ERI1: variants seen among roughly 807,000 people sequenced by gnomAD.
ERI1 encodes the protein exoribonuclease 1.
Under a neutral mutation model 39.7 loss-of-function variants are expected in ERI1, and 39 were observed. That is an observed-to-expected ratio of 0.98 (90% CI 0.76 to 1.28). The LOEUF is 1.28. Ranked by LOEUF, ERI1 falls within the 50% of genes most tolerant of loss-of-function variation. The pLI, the probability that ERI1 is intolerant of heterozygous loss-of-function variation, is 0.00. For synonymous variants in ERI1, 204 were observed against 149.6 expected, an observed-to-expected ratio of 1.36 and a Z score of -2.65; for missense variants, 581 against 416.9, an observed-to-expected ratio of 1.39 and a Z score of -3.43.
intron 6 of ERI1, among the ~76,000 whole-genome samples, chr8:9,023,292 G>A (rs1276336242): frequency 1.3e-5 from 2 of 152,058 alleles, no homozygotes; most frequent in Non-Finnish European, 2.9e-5. Flanking sequence ...TGTGGTTTCA[G>A]AGGTGTCTCT....
chr8:9,047,042 C>T (rs1798195418), intron 3 of ERI1, among the ~76,000 whole-genome samples: 1 of 152,158 alleles, frequency 6.6e-6, no homozygotes, highest in African/African-American at 2.4e-5. Flanking sequence ...TGCCCAAGAA[C>T]CGAATAAAGC....
intron 3 of ERI1, among the ~76,000 whole-genome samples, chr8:9,083,752 A>G (rs1799438573): frequency 6.6e-6 from 1 of 151,942 alleles, no homozygotes; most frequent in African/African-American, 2.4e-5. Flanking sequence ...CCAGGAGTTC[A>G]AGACCAGCCA....
intron 3 of ERI1, among the ~76,000 whole-genome samples, chr8:9,047,136 C>T (rs890003246): frequency 6.6e-6 from 1 of 152,242 alleles, no homozygotes; most frequent in African/African-American, 2.4e-5. Context: ...CCCTGACCAT[C>T]TTCCTGCACA....
downstream of ERI1, among the ~76,000 whole-genome samples, chr8:9,037,435 C>G (rs1797887939): frequency 1.3e-5 from 2 of 151,918 alleles, no homozygotes; most frequent in Admixed American, 1.3e-4. Context: ...GTTCATTGCA[C>G]TTTTGTTACA....
intron 3 of ERI1, among the ~76,000 whole-genome samples, chr8:9,082,541 G>A (rs942258547): frequency 6.6e-6 from 1 of 152,174 alleles, no homozygotes; most frequent in African/African-American, 2.4e-5. Flanking sequence ...CTGTGTAAAA[G>A]ATGCAACAGC....
intron 6 of ERI1, among the ~76,000 whole-genome samples, chr8:9,028,388 A>G (rs1280248844): frequency 6.6e-6 from 1 of 152,188 alleles, no homozygotes; most frequent in Non-Finnish European, 1.5e-5. Flanking sequence ...TTTCCAAGTG[A>G]TAATTAGTGG....
chr8:9,091,875 T>A (rs1001064167), intron 3 of ERI1, among the ~76,000 whole-genome samples: 43 of 151,584 alleles, frequency 2.8e-4, no homozygotes, highest in African/African-American at 1.0e-3. Flanking sequence ...AAATGCCCTC[T>A]AAAAAGACCC....
intron 3 of ERI1, among the ~76,000 whole-genome samples, chr8:9,087,646 A>G (rs1182701949): frequency 3.3e-5 from 5 of 152,202 alleles, no homozygotes. Context: ...ACACGCAGAT[A>G]CAGACATCTT....
At position 9,031,774 on chromosome 8, in the gene ERI1, T is replaced by C. The variant is rs1159903812; in HGVS notation, c.*1740T>C. On this transcript the variant is annotated 3_prime_UTR_variant, in exon 7 of 7. Transcript: ENST00000250263. ...TACCCTATTTTGTTGTTGTTGTTGT[T>C]TGAGACAGAGTTTTTGCTCGTCTGC... 1 of 152,246 alleles carries C rather than the reference T, an allele frequency of 6.6e-6. No homozygotes were observed. Among genetic ancestry groups the C allele is most frequent in the Non-Finnish European group, 1.5e-5 (1 of 68,058 alleles). 9.4% of individuals were successfully genotyped at this position (152,246 alleles called of 1,614,324 possible).
rs751279995 is a variant in ERI1, at chr8:9,020,410, T to A, written c.753T>A (p.Pro251=). The change falls in exon 6 of 7, where the codon CCT becomes CCA. Residue 251 remains proline, a synonymous_variant. Coordinates refer to ENST00000250263, the MANE Select transcript of ERI1 (RefSeq NM_153332.4). The stretch of plus-strand genomic sequence containing the variant: ...GTCAACTCAGCAGGCTCAAATACCC[T>A]CCTTTTGCGAAAAAGTGGATCAATA... The part of the protein sequence containing the change: ...IQCQLSRLKY[P]PFAKKWINIR... 3.1e-6 allele frequency: 5 copies of A among 1,608,402 alleles called. No homozygotes were observed. The highest frequency in any genetic ancestry group is 4.2e-6 in the Non-Finnish European group (5 of 1,177,812).
In ERI1 at chr8:9,058,994, G is replaced by C. The variant is rs138399969; in HGVS notation, n.299+38530G>C. Among the ~76,000 whole-genome samples the C allele has an allele frequency of 8.4e-3, 1,276 of 152,172 alleles. 6 individuals carry two copies. The highest frequency in any genetic ancestry group is 0.023 in the South Asian group (111 of 4,820). ...TGTTTATTTCACCTGGGTACAGGTG[G>C]GCTGAGTCCAAAAAGAGTCAGCGAA... On this transcript the variant is annotated intron_variant and non_coding_transcript_variant, in intron 3 of 3. Transcript: ENST00000518663.
intron 3 of ERI1, among the ~76,000 whole-genome samples, chr8:9,058,148 G>A (rs1798571406): frequency 6.6e-6 from 1 of 152,214 alleles, no homozygotes; most frequent in Non-Finnish European, 1.5e-5. Context: ...AGCTGGAGGA[G>A]AGGGCGGAGC....
chr8:9,084,076 A>G (rs1490799437), intron 3 of ERI1, among the ~76,000 whole-genome samples: 2 of 152,012 alleles, frequency 1.3e-5, no homozygotes, highest in Non-Finnish European at 2.9e-5. Flanking sequence ...TACAGGCGTG[A>G]GCCGCCGTGC....
intron 3 of ERI1, among the ~76,000 whole-genome samples, chr8:9,090,154 C>T (rs892553301): frequency 2.0e-5 from 3 of 152,146 alleles, no homozygotes; most frequent in Admixed American, 1.3e-4. Context: ...GTAAGCAAAC[C>T]TTATCCAAGG....
intron 3 of ERI1, among the ~76,000 whole-genome samples, chr8:9,041,841 T>A (rs1441195031): frequency 6.6e-6 from 1 of 152,172 alleles, no homozygotes; most frequent in African/African-American, 2.4e-5. Flanking sequence ...TTCAGGCGAT[T>A]CTCTTGCCTC....
rs572167607 is a variant in ERI1, at chr8:9,061,818, A to G, written n.299+41354A>G. Among the ~76,000 whole-genome samples the G allele has an allele frequency of 9.1e-4, 137 of 150,036 alleles. 1 individual carries two copies. Among genetic ancestry groups the G allele is most frequent in the African/African-American group, 3.1e-3 (124 of 40,574 alleles). ...GCTGTCCGTGAAGTTTTGCAGCAGTATAGCCCAGGTAATTTGCTGAGCCTG... is the reference window on the plus strand; with the variant it reads ...GCTGTCCGTGAAGTTTTGCAGCAGTGTAGCCCAGGTAATTTGCTGAGCCTG... On this transcript the variant is annotated intron_variant and non_coding_transcript_variant, in intron 3 of 3. Coordinates refer to the ERI1 transcript ENST00000518663.
chr8:9,068,784 G>C (rs1216431656), intron 3 of ERI1, among the ~76,000 whole-genome samples: 1 of 152,156 alleles, frequency 6.6e-6, no homozygotes, highest in Non-Finnish European at 1.5e-5. Context: ...TGAGTGACCA[G>C]AGAGTGATTG....
chr8:9,020,212 C>G (rs560943532), intron 5 of ERI1, 138 bp from the exon 6 acceptor site: 3 of 486,642 alleles, frequency 6.2e-6, no homozygotes, highest in Admixed American at 4.1e-5. Flanking sequence ...TTGTAGGAAG[C>G]AAGGTTAATT....
intron 3 of ERI1, among the ~76,000 whole-genome samples, chr8:9,089,995 A>G (rs1406696049): frequency 6.6e-6 from 1 of 152,232 alleles, no homozygotes; most frequent in Non-Finnish European, 1.5e-5. Context: ...CAAAGCAAGG[A>G]TGACGGCTGA....
Sources: gnomAD v4.1 joint callset for allele counts (sites outside exome capture counted in the v4.1 genomes callset) on GRCh38, gnomAD v4.1.1 for gene constraint, MANE v1.5 for transcripts, NCBI Gene and HGNC (gene_info 2026-07-23, HGNC 2026-07-21) for gene names.